Variants in CHD4 observed in about 807,000 individuals in gnomAD.
CHD4 encodes the protein chromodomain helicase DNA binding protein 4, also known as ATP-dependent chromatin remodeler CHD4.
In CHD4, 35 loss-of-function variants were observed where a neutral mutation model predicts 235.5. That is an observed-to-expected ratio of 0.15 (90% CI 0.11 to 0.20). The LOEUF (loss-of-function observed/expected upper bound fraction) is 0.20. Ranked by LOEUF, CHD4 falls within the 10% of genes least tolerant of loss-of-function variation. The probability of loss-of-function intolerance (pLI) is 1.00; values close to 1 mark genes in which losing one functional copy is unlikely to be tolerated. For missense variants in CHD4, 1,329 were observed against 2,432.3 expected (o/e 0.55, Z 9.54); for synonymous variants, 900 against 850.2 (o/e 1.06, Z -1.02).
intron 19 of CHD4, 68 bp downstream of exon 19, chr12:6,592,325 G>T: frequency 6.6e-7 from 1 of 1,510,634 alleles, no homozygotes; most frequent in Non-Finnish European, 8.8e-7. Context: ...GAGTGGGGGA[G>T]GAATAGGAAA....
intron 33 of CHD4, 136 bp downstream of exon 33, chr12:6,580,908 G>T: frequency 1.1e-6 from 1 of 904,322 alleles, no homozygotes; most frequent in Non-Finnish European, 1.7e-6. Flanking sequence ...TCGGGAGGGT[G>T]AGGCAGGAGA....
At position 6,592,330 on chromosome 12, in the gene CHD4, A is replaced by G; in HGVS notation, c.2948+63T>C. 3.3e-6 allele frequency: 5 copies of G among 1,519,242 alleles called. No homozygotes were observed. The South Asian group carries it at 6.7e-5, about 20-fold the overall frequency. 94.1% of individuals were successfully genotyped at this position (1,519,242 alleles called of 1,614,324 possible). On this transcript the variant is annotated intron_variant, in intron 19 of 39. Transcript: ENST00000544040. Reference sequence around the variant, plus strand: ...CCTTGAAGCTGAGTGGGGGAGGAATAGGAAACACTCTGCAGACTGGCAGAT... The same window carrying G: ...CCTTGAAGCTGAGTGGGGGAGGAATGGGAAACACTCTGCAGACTGGCAGAT...
At chr12:6,585,579 G>A (rs910920424) in intron 25 of CHD4, among the ~76,000 whole-genome samples, 4 of 151,648 alleles carry the variant, frequency 2.6e-5, no homozygotes, top group African/African-American at 9.7e-5. Context: ...ACCACGTCTG[G>A]CCCAATTCTA....
intron 25 of CHD4, among the ~76,000 whole-genome samples, chr12:6,586,306 C>G (rs902515677): frequency 2.0e-5 from 3 of 151,922 alleles, no homozygotes; most frequent in African/African-American, 7.3e-5. Context: ...GAGGCTGAGG[C>G]AGAAGAATGG....
chr12:6,606,128 A>C, intron 2 of CHD4, 146 bp downstream of exon 2: 1 of 576,182 alleles, frequency 1.7e-6, no homozygotes, highest in Non-Finnish European at 3.0e-6. Context: ...AGAGCTCCGC[A>C]GAAGGGAACC....
chr12:6,596,904 A>G (rs1948509022), intron 12 of CHD4, among the ~76,000 whole-genome samples: 1 of 151,036 alleles, frequency 6.6e-6, no homozygotes, highest in African/African-American at 2.4e-5. Flanking sequence ...GGTTGCAGTG[A>G]GCTTAGATCA....
intron 33 of CHD4, 167 bp from the exon 34 acceptor site, chr12:6,579,084 G>A (rs1948124173): frequency 3.4e-6 from 2 of 592,182 alleles, no homozygotes; most frequent in East Asian, 5.7e-5. Context: ...GGAGACAGCA[G>A]CAGGCAGATC....
chr12:6,570,762 C>G (rs1947951552), intron 39 of CHD4, 69 bp from the exon 40 acceptor site: 2 of 1,612,544 alleles, frequency 1.2e-6, no homozygotes, highest in African/African-American at 1.3e-5. Context: ...AGGGAATTCA[C>G]TGATAGGCCA....
intron 22 of CHD4, among the ~76,000 whole-genome samples, chr12:6,589,631 G>A (rs1398537481): frequency 1.3e-5 from 2 of 151,610 alleles, no homozygotes; most frequent in African/African-American, 4.9e-5. Context: ...GCCGGGCGTG[G>A]TGGCGGGTGC....
At chr12:6,584,263 A>T (rs898475113) in intron 25 of CHD4, 1 of 152,096 alleles carries the variant, frequency 6.6e-6, no homozygotes, top group Non-Finnish European at 1.5e-5. Context: ...TATGTGTATG[A>T]ATATATGTAT....
intron 18 of CHD4, 61 bp from the exon 19 acceptor site, chr12:6,592,627 A>G: frequency 6.3e-7 from 1 of 1,586,624 alleles, no homozygotes; most frequent in Non-Finnish European, 8.6e-7. Flanking sequence ...GAAAAGTGAT[A>G]CAGGAAATGG....
rs750504212 is a variant in CHD4 at position 6,570,433 on chromosome 12, G to A, written c.*243C>T. ...TACAGTGGGGAGAAGCCAGGGTCCA[G>A]AAGGCCAGCCCGCCAGCTCCTGCAG... On this transcript the variant is annotated 3_prime_UTR_variant, in exon 40 of 40. Transcript: ENST00000544040. 2.6e-4 allele frequency: 149 copies of A among 564,502 alleles called. 1 individual carries two copies. The Middle Eastern group carries it at 3.3e-3, about 12-fold the overall frequency. 35.0% of individuals were successfully genotyped at this position (564,502 alleles called of 1,614,324 possible). A position where few individuals can be genotyped will look rare whatever the true frequency, so the allele number is the denominator to read the frequency against.
At chr12:6,599,641 A>G in intron 10 of CHD4, 132 bp downstream of exon 10, 1 of 1,110,504 alleles carries the variant, frequency 9.0e-7, no homozygotes. Flanking sequence ...CCAACACTAT[A>G]GGATGAAGGA....
At chr12:6,572,095 C>T (rs1947983211) in intron 38 of CHD4, among the ~76,000 whole-genome samples, 1 of 150,892 alleles carries the variant, frequency 6.6e-6, no homozygotes, top group Non-Finnish European at 1.5e-5. Flanking sequence ...CATTGCACCC[C>T]AGCCTGGGCA....
chr12:6,601,039 T>C lies in CHD4; in HGVS notation c.814A>G (p.Arg272Gly). 1 of 1,578,562 alleles carries C rather than the reference T, an allele frequency of 6.3e-7. No individual in the cohort carries two copies. Among genetic ancestry groups the C allele is most frequent in the Non-Finnish European group, 8.6e-7 (1 of 1,166,604 alleles). The change falls in exon 7 of 40, where the codon AGG becomes GGG. Residue 272 changes from arginine to glycine, a missense_variant. Arg to Gly is a moderately radical substitution (Grantham distance 125). This residue lies in a region of CHD4 where 160 missense variants were observed against 196.6 expected (regional missense o/e 0.81). Transcript: ENST00000544040. ...TKEGKGPNAR[R>G]KPKGSPRVPD... ...ACACGAGGGCTGCCCTTGGGCTTCCTCCGAGCATTGGGACCTAAAATCAGG... is the reference window on the plus strand; with the variant it reads ...ACACGAGGGCTGCCCTTGGGCTTCCCCCGAGCATTGGGACCTAAAATCAGG...
intron 2 of CHD4, among the ~76,000 whole-genome samples, chr12:6,605,999 A>G (rs1343159170): frequency 6.6e-6 from 1 of 152,068 alleles, no homozygotes; most frequent in Non-Finnish European, 1.5e-5. Context: ...ATACCAGGTA[A>G]TGCCTGCCAG....
At position 6,593,881 on chromosome 12, in the gene CHD4, G is replaced by A. The variant is rs1434703964; in HGVS notation, c.2314-265C>T. ...ACGGAGTTTCACTCTTGTTGCCCAG[G>A]CTGGAGTGCAATGGCGCAATCTCAG... On this transcript the variant is annotated intron_variant, in intron 15 of 39. Coordinates refer to ENST00000544040, the MANE Select transcript of CHD4 (RefSeq NM_001273.5). This position sits in a 1 kb window ranked among gnomAD's most constrained non-coding sequence, Gnocchi z 4.9. Among the ~76,000 whole-genome samples, 1 of 152,092 alleles carries A rather than the reference G, an allele frequency of 6.6e-6. No individual in the cohort carries two copies. The highest frequency in any genetic ancestry group is 1.5e-5 in the Non-Finnish European group (1 of 68,006).
At chr12:6,577,640 A>G in intron 37 of CHD4, 145 bp downstream of exon 37, 2 of 1,051,650 alleles carry the variant, frequency 1.9e-6, no homozygotes, top group Non-Finnish European at 2.8e-6. Flanking sequence ...TTCAACCCTA[A>G]TGTGTAAGTT....
At position 6,585,081 on chromosome 12, in the gene CHD4, C is replaced by T. The variant is rs571323074; in HGVS notation, c.3880-1703G>A. On this transcript the variant is annotated intron_variant, in intron 25 of 39. Coordinates refer to ENST00000544040, the MANE Select transcript of CHD4 (RefSeq NM_001273.5). Reference sequence around the variant, plus strand: ...AATGAGAAAAGATGACAAAGACCACCAGAACCAATGCCAACTGAAAGAACC... The same window carrying T: ...AATGAGAAAAGATGACAAAGACCACTAGAACCAATGCCAACTGAAAGAACC... Among the ~76,000 whole-genome samples the T allele has an allele frequency of 3.3e-5, 5 of 152,210 alleles. No individual in the cohort carries two copies. In the South Asian group the frequency reaches 1.0e-3, roughly 32 times the overall value.
Sources: gnomAD v4.1 joint callset for allele counts (sites outside exome capture counted in the v4.1 genomes callset) on GRCh38, gnomAD v4.1.1 for gene constraint, gnomAD v4.1.1 regional missense constraint, Gnocchi (gnomAD v3.1) non-coding constraint, MANE v1.5 for transcripts, NCBI Gene and HGNC (gene_info 2026-07-23, HGNC 2026-07-21) for gene names.